AGBL1: variants seen among roughly 807,000 people sequenced by gnomAD.
AGBL1 encodes cytosolic carboxypeptidase 4.
A neutral mutation model predicts 118.9 loss-of-function variants in AGBL1; 130 were observed. That is an observed-to-expected ratio of 1.09 (90% CI 0.95 to 1.26). The LOEUF is 1.26. AGBL1 is among the 50% of genes most tolerant of loss of function. The pLI is 0.00. For missense variants in AGBL1, 1,584 were observed against 1,298.1 expected (o/e 1.22, Z -3.38); for synonymous variants, 555 against 478.9 (o/e 1.16, Z -2.08).
chr15:86,599,948 A>G (rs903169227), intron 21 of AGBL1, among the ~76,000 whole-genome samples: 2 of 152,130 alleles, frequency 1.3e-5, no homozygotes, highest in African/African-American at 4.8e-5. Context: ...CATATTGAAA[A>G]CAAAACTTAT....
chr15:86,389,235 T>C (rs573188915), intron 17 of AGBL1, among the ~76,000 whole-genome samples: 1 of 152,258 alleles, frequency 6.6e-6, no homozygotes, highest in African/African-American at 2.4e-5. Flanking sequence ...GGAAAACATG[T>C]AGAAAGAACA....
chr15:86,160,549 A>T (rs919637088), intron 5 of AGBL1, among the ~76,000 whole-genome samples: 3 of 152,126 alleles, frequency 2.0e-5, no homozygotes, highest in Admixed American at 6.5e-5. Context: ...TATGACTTGG[A>T]TATGTCTCAT....
chr15:86,214,796 C>T (rs2078157857), intron 5 of AGBL1, among the ~76,000 whole-genome samples: 1 of 152,234 alleles, frequency 6.6e-6, no homozygotes, highest in African/African-American at 2.4e-5. Flanking sequence ...GGGGCCCTCC[C>T]AGCCTCGATT....
intron 21 of AGBL1, among the ~76,000 whole-genome samples, chr15:86,575,341 A>G (rs2084075003): frequency 6.6e-6 from 1 of 150,972 alleles, no homozygotes. Context: ...TCTATCAAAA[A>G]ATCAAAAAAT....
At chr15:86,337,953 C>A (rs555989997) in intron 17 of AGBL1, among the ~76,000 whole-genome samples, 18 of 152,248 alleles carry the variant, frequency 1.2e-4, no homozygotes, top group Admixed American at 3.3e-4. Context: ...TATCAAGTGT[C>A]TGGTATATGC....
intron 22 of AGBL1, among the ~76,000 whole-genome samples, chr15:86,741,182 T>C (rs1365348290): frequency 6.6e-6 from 1 of 151,344 alleles, no homozygotes; most frequent in Non-Finnish European, 1.5e-5. Context: ...AAGGGTAGGG[T>C]CACATAGTAC....
chr15:86,567,593 G>A (rs962669945), intron 21 of AGBL1, among the ~76,000 whole-genome samples: 4 of 152,166 alleles, frequency 2.6e-5, no homozygotes, highest in South Asian at 2.1e-4. Flanking sequence ...AAATATTTTA[G>A]ATCACTATTC....
At chr15:86,611,724 AC>A (rs761569661) in intron 21 of AGBL1, among the ~76,000 whole-genome samples, 7 of 151,974 alleles carry the variant, frequency 4.6e-5, no homozygotes, top group Non-Finnish European at 1.0e-4. Flanking sequence ...AAAGCATGAT[AC>A]TCACAGGCAA....
At chr15:86,540,455 C>T (rs769895935) in intron 19 of AGBL1, among the ~76,000 whole-genome samples, 8 of 152,012 alleles carry the variant, frequency 5.3e-5, no homozygotes, top group African/African-American at 1.4e-4. Flanking sequence ...GTTAGCTGAG[C>T]GTGGTGGCAG....
At chr15:86,876,415 C>A (rs1170544453) in intron 22 of AGBL1, among the ~76,000 whole-genome samples, 1 of 152,022 alleles carries the variant, frequency 6.6e-6, no homozygotes, top group Non-Finnish European at 1.5e-5. Flanking sequence ...GGAGGTGATA[C>A]TGCTGCTGAC....
At chr15:86,503,954 T>C (rs1188228344) in intron 18 of AGBL1, among the ~76,000 whole-genome samples, 1 of 151,748 alleles carries the variant, frequency 6.6e-6, no homozygotes, top group East Asian at 1.9e-4. Flanking sequence ...TTCATATTGT[T>C]ATGCAAATCT....
chr15:86,349,409 G>A (rs537711269), intron 17 of AGBL1, among the ~76,000 whole-genome samples: 1,529 of 152,180 alleles, frequency 0.01, 25 homozygotes, highest in South Asian at 0.018. Context: ...AAGTCTATAG[G>A]TCTCCTCAAT....
At chr15:86,858,463 G>GGTGTGTGTGTGTGTGTGTGT (rs3059715) in intron 22 of AGBL1, among the ~76,000 whole-genome samples, 3 of 147,090 alleles carry the variant, frequency 2.0e-5, no homozygotes, top group African/African-American at 7.5e-5. Flanking sequence ...CCTTTCAGGT[G>GGTGTGTGTGTGTGTGTGTGT]GTGTGTGTGT....
At chr15:86,926,455 C>T (rs1018172715) in intron 23 of AGBL1, among the ~76,000 whole-genome samples, 1 of 152,146 alleles carries the variant, frequency 6.6e-6, no homozygotes, top group African/African-American at 2.4e-5. Context: ...TTTTAAGAGA[C>T]TCCATACAAA....
At chr15:86,325,610 C>A (rs2080171804) in intron 17 of AGBL1, among the ~76,000 whole-genome samples, 1 of 152,288 alleles carries the variant, frequency 6.6e-6, no homozygotes, top group South Asian at 2.1e-4. Flanking sequence ...TGTTATATCA[C>A]CGAGTGGGCC....
chr15:86,713,316 A>G (rs2086589413), intron 22 of AGBL1, among the ~76,000 whole-genome samples: 1 of 152,174 alleles, frequency 6.6e-6, no homozygotes, highest in African/African-American at 2.4e-5. Context: ...AGAGCATTGG[A>G]ATTAGAAAAA....
chr15:86,665,403 A>G (rs971252485), intron 21 of AGBL1, among the ~76,000 whole-genome samples: 5 of 152,114 alleles, frequency 3.3e-5, no homozygotes, highest in African/African-American at 1.2e-4. Flanking sequence ...GACTGTTTCC[A>G]GTCCATTTCC....
At chr15:86,604,306 C>T (rs2142376466) in intron 21 of AGBL1, among the ~76,000 whole-genome samples, 1 of 152,266 alleles carries the variant, frequency 6.6e-6, no homozygotes, top group African/African-American at 2.4e-5. Flanking sequence ...GATCTACACA[C>T]TTTTATTTGT....
rs367574993 is a variant in AGBL1, at chr15:86,724,044, G to T, written c.3158+49608G>T. 2.9e-3 allele frequency among the ~76,000 whole-genome samples: 445 copies of T among 152,146 alleles called. 2 individuals are homozygous for T. Among genetic ancestry groups the T allele is most frequent in the Non-Finnish European group, 5.0e-3 (340 of 68,000 alleles). ...AGGTCAGGAGATCGAGACCATCCTG[G>T]CTAACATGGTGAAAACCCGTCTCTA... On this transcript the variant is annotated intron_variant, in intron 22 of 22. Coordinates refer to ENST00000614907, the MANE Select transcript of AGBL1 (RefSeq NM_001386094.1).
Sources: allele counts gnomAD v4.1 joint callset (sites outside exome capture counted in the v4.1 genomes callset), GRCh38; gene constraint gnomAD v4.1.1; transcripts MANE v1.5; gene names NCBI Gene and HGNC (gene_info 2026-07-23, HGNC 2026-07-21).